Variants in VGLL4 observed in about 807,000 individuals in gnomAD.
The protein encoded by VGLL4 is vestigial like family member 4.
Under a neutral mutation model 21.0 loss-of-function variants are expected in VGLL4, and 7 were observed. The ratio of observed to expected loss-of-function variants is 0.33; its 90% CI spans 0.19 to 0.63. VGLL4 has a LOEUF of 0.63. Among genes scored for constraint, VGLL4 ranks in the 20% least tolerant of loss-of-function variants. The pLI, the probability that VGLL4 is intolerant of heterozygous loss-of-function variation, is 0.78. For missense variants in VGLL4, 394 were observed against 425.7 expected (o/e 0.93, Z 0.66); for synonymous variants, 222 against 173.2 (o/e 1.28, Z -2.21).
intron 1 of VGLL4, among the ~76,000 whole-genome samples, chr3:11,634,681 T>G (rs1295260886): frequency 1.3e-5 from 2 of 150,250 alleles, no homozygotes; most frequent in Non-Finnish European, 3.0e-5. Context: ...GACTCAGGTT[T>G]TTTTTTTTTC....
intron 2 of VGLL4, among the ~76,000 whole-genome samples, chr3:11,584,799 GAAAA>G (rs34312251): frequency 6.9e-6 from 1 of 145,664 alleles, no homozygotes; most frequent in Non-Finnish European, 1.5e-5. Context: ...CTTGAAAAGA[GAAAA>G]AAAAAAAAAA....
At chr3:11,704,768 C>T (rs2076735716) in intron 1 of VGLL4, among the ~76,000 whole-genome samples, 1 of 152,138 alleles carries the variant, frequency 6.6e-6, no homozygotes, top group African/African-American at 2.4e-5. Context: ...ACCTCGTAGA[C>T]GTCATGAGCC....
rs1351332939 is a variant in VGLL4 at position 11,643,848 on chromosome 3, C to T, written c.-330G>A. ...AAAAGAGAAACGCGCAGCCCGTTTCCTAGGACAAAGCGGCGCCGGCCCCTC... is the reference window on the plus strand; with the variant it reads ...AAAAGAGAAACGCGCAGCCCGTTTCTTAGGACAAAGCGGCGCCGGCCCCTC... On this transcript the variant is annotated 5_prime_UTR_variant, in exon 1 of 5. Transcript: ENST00000430365. 1.9e-6 allele frequency: 2 copies of T among 1,045,162 alleles called. No homozygotes were observed. Among genetic ancestry groups the T allele is most frequent in the South Asian group, 3.5e-5 (1 of 28,578 alleles). The allele number at this position is 1,045,162 out of a possible 1,614,324, so 64.7% of individuals were successfully genotyped here.
At chr3:11,662,859 AAAC>A (rs2076056458) in intron 2 of VGLL4, among the ~76,000 whole-genome samples, 1 of 152,270 alleles carries the variant, frequency 6.6e-6, no homozygotes, top group African/African-American at 2.4e-5. Flanking sequence ...GCTACAAAAT[AAAC>A]AACAGTGATT....
intron 2 of VGLL4, among the ~76,000 whole-genome samples, chr3:11,569,329 T>C (rs948672787): frequency 1.3e-5 from 2 of 152,136 alleles, no homozygotes; most frequent in Non-Finnish European, 2.9e-5. Context: ...ACAAGACATT[T>C]TGAGGATACA....
intron 3 of VGLL4, among the ~76,000 whole-genome samples, chr3:11,560,351 C>T (rs556436041): frequency 6.6e-6 from 1 of 152,210 alleles, no homozygotes; most frequent in African/African-American, 2.4e-5. Flanking sequence ...TCTTCCAATA[C>T]CCCCGAGGAC....
intron 1 of VGLL4, among the ~76,000 whole-genome samples, chr3:11,624,170 G>A (rs1468421316): frequency 6.6e-6 from 1 of 152,086 alleles, no homozygotes; most frequent in Non-Finnish European, 1.5e-5. Context: ...ATATTCCTAG[G>A]TCTGGCTCCA....
At chr3:11,695,806 C>T (rs949230512) in intron 2 of VGLL4, among the ~76,000 whole-genome samples, 1 of 152,090 alleles carries the variant, frequency 6.6e-6, no homozygotes, top group Non-Finnish European at 1.5e-5. Flanking sequence ...CGGCACACCC[C>T]TCTGGTATTT....
At chr3:11,611,080 T>C (rs1037061003) in intron 1 of VGLL4, among the ~76,000 whole-genome samples, 3 of 149,742 alleles carry the variant, frequency 2.0e-5, no homozygotes, top group East Asian at 2.0e-4. Context: ...GCTTCACTGG[T>C]TGAGGAAAAT....
chr3:11,568,806 G>GGCGTGCCCGAGAGAGCCCACC lies in VGLL4; in HGVS notation c.273-3788_273-3787insGGTGGGCTCTCTCGGGCACGC. On this transcript the variant is annotated intron_variant, in intron 2 of 4. Transcript: ENST00000430365. The surrounding 1 kb of genome is among the most constrained non-coding windows in gnomAD (Gnocchi z 5.9). ...CAGGACTGTGCCCGAGAGAGCCCAC[G>GGCGTGCCCGAGAGAGCCCACC]GCATCCCCGCGAACACCCAAAGGAC... 7.0e-7 allele frequency: 1 copy of GGCGTGCCCGAGAGAGCCCACC among 1,435,140 alleles called. No individual in the cohort carries two copies. The highest frequency in any genetic ancestry group is 9.1e-7 in the Non-Finnish European group (1 of 1,098,378). The allele number at this position is 1,435,140 out of a possible 1,614,324, so 88.9% of individuals were successfully genotyped here.
intron 2 of VGLL4, among the ~76,000 whole-genome samples, chr3:11,573,216 GAGAA>G (rs1258481614): frequency 6.9e-6 from 1 of 145,766 alleles, no homozygotes; most frequent in African/African-American, 2.6e-5. Flanking sequence ...AAGAGAGAGA[GAGAA>G]AGACAGACAG....
chr3:11,622,033 C>T (rs57720931), intron 1 of VGLL4, among the ~76,000 whole-genome samples: 15,053 of 152,116 alleles, frequency 0.099, 1,140 homozygotes, highest in African/African-American at 0.2. Context: ...CTATACATCT[C>T]AATACAGGTC....
upstream of VGLL4, among the ~76,000 whole-genome samples, chr3:11,645,290 T>C (rs957482647): frequency 3.3e-5 from 5 of 151,910 alleles, no homozygotes; most frequent in African/African-American, 7.2e-5. Flanking sequence ...AGGAGTTGTA[T>C]GTTAAAAATC....
At position 11,574,789 on chromosome 3, in the gene VGLL4, G is replaced by A. The variant is rs1370303355; in HGVS notation, c.273-9770C>T. Reference sequence around the variant, plus strand: ...TTACTGTCAATTCAACTATATATGTGTGTGTGTGTGTGTGTGTGTGTGTGT... The same window carrying A: ...TTACTGTCAATTCAACTATATATGTATGTGTGTGTGTGTGTGTGTGTGTGT... On this transcript the variant is annotated intron_variant, in intron 2 of 4. Coordinates refer to ENST00000430365, the MANE Select transcript of VGLL4 (RefSeq NM_001128219.3). Among the ~76,000 whole-genome samples, 105 of 85,646 alleles carry A rather than the reference G, an allele frequency of 1.2e-3. 1 individual carries two copies. Among genetic ancestry groups the A allele is most frequent in the African/African-American group, 5.6e-3 (101 of 18,102 alleles). The allele number at this position is 85,646 out of a possible 152,430, so 56.2% of individuals were successfully genotyped here.
chr3:11,561,642 C>T (rs1321812335), intron 3 of VGLL4, among the ~76,000 whole-genome samples: 2 of 152,094 alleles, frequency 1.3e-5, no homozygotes, highest in South Asian at 2.1e-4. Flanking sequence ...AGATGGTGAG[C>T]GTTTATGGGA....
chr3:11,629,714 C>T (rs2075435195), intron 1 of VGLL4, among the ~76,000 whole-genome samples: 2 of 143,260 alleles, frequency 1.4e-5, no homozygotes, highest in South Asian at 4.4e-4. Context: ...GATCGCTGCA[C>T]TCCAGCCTGG....
At chr3:11,707,468 G>T (rs1238328084) in intron 1 of VGLL4, among the ~76,000 whole-genome samples, 1 of 151,706 alleles carries the variant, frequency 6.6e-6, no homozygotes, top group Non-Finnish European at 1.5e-5. Context: ...GGACAATACA[G>T]CTGGGACATG....
At chr3:11,707,740 T>C (rs1262653295) in intron 1 of VGLL4, among the ~76,000 whole-genome samples, 1 of 152,012 alleles carries the variant, frequency 6.6e-6, no homozygotes, top group Non-Finnish European at 1.5e-5. Flanking sequence ...ATACCTATAG[T>C]CCCAGCTACT....
chr3:11,677,304 C>T (rs933793233), intron 2 of VGLL4, among the ~76,000 whole-genome samples: 1 of 151,192 alleles, frequency 6.6e-6, no homozygotes, highest in Non-Finnish European at 1.5e-5. Context: ...CAGGGTCTCA[C>T]GCTGTCGTCC....
Sources: allele counts gnomAD v4.1 joint callset (sites outside exome capture counted in the v4.1 genomes callset), GRCh38; gene constraint gnomAD v4.1.1; non-coding constraint Gnocchi (gnomAD v3.1); transcripts MANE v1.5; gene names NCBI Gene and HGNC (gene_info 2026-07-23, HGNC 2026-07-21).